The following FBN2 variants were observed in gnomAD, a reference collection of about 807,000 sequenced individuals.
The protein encoded by FBN2 is fibrillin-2.
FBN2 carries 105 observed loss-of-function variants against 355.6 expected under a neutral mutation model. The ratio of observed to expected loss-of-function variants is 0.30; its 90% CI spans 0.25 to 0.35. The LOEUF (loss-of-function observed/expected upper bound fraction) is 0.35. Among genes scored for constraint, FBN2 ranks in the 10% least tolerant of loss-of-function variants. The pLI is 1.00. For synonymous variants in FBN2, 1,350 were observed against 1,301.2 expected (o/e 1.04, Z -0.81); for missense variants, 3,280 against 3,758.7 (o/e 0.87, Z 3.33).
intron 34 of FBN2, among the ~76,000 whole-genome samples, chr5:128,323,545 T>A (rs1385907977): frequency 6.6e-6 from 1 of 152,238 alleles, no homozygotes; most frequent in Non-Finnish European, 1.5e-5. Context: ...TCTTTTGAGA[T>A]AATCATGCAG....
chr5:128,521,608 G>A (rs1037776607), intron 4 of FBN2, among the ~76,000 whole-genome samples: 3 of 152,196 alleles, frequency 2.0e-5, no homozygotes, highest in African/African-American at 7.2e-5. Context: ...AAAGTAATGT[G>A]ATCAATTAAA....
At chr5:128,431,479 C>T (rs954398656) in intron 7 of FBN2, among the ~76,000 whole-genome samples, 3 of 152,136 alleles carry the variant, frequency 2.0e-5, no homozygotes, top group Non-Finnish European at 4.4e-5. Context: ...CATGTACTGT[C>T]GCCATAACTT....
At chr5:128,383,603 C>T (rs984363576) in intron 11 of FBN2, among the ~76,000 whole-genome samples, 9 of 151,854 alleles carry the variant, frequency 5.9e-5, no homozygotes, top group Non-Finnish European at 5.9e-5. Context: ...AAACAAAGAA[C>T]CCTCAAAACT....
chr5:128,373,167 T>A (rs761384282), intron 15 of FBN2, among the ~76,000 whole-genome samples: 1 of 152,210 alleles, frequency 6.6e-6, no homozygotes, highest in Non-Finnish European at 1.5e-5. Flanking sequence ...TTTTACTGAA[T>A]TCCTAGCAAC....
chr5:128,430,945 C>A (rs946613780), intron 7 of FBN2, among the ~76,000 whole-genome samples: 1 of 152,178 alleles, frequency 6.6e-6, no homozygotes, highest in East Asian at 1.9e-4. Context: ...AAGTGCCACA[C>A]TGACTCATAT....
intron 25 of FBN2, among the ~76,000 whole-genome samples, chr5:128,342,321 T>C (rs1751045081): frequency 1.3e-5 from 2 of 151,680 alleles, no homozygotes; most frequent in African/African-American, 4.8e-5. Flanking sequence ...AAAGAAAATC[T>C]CAAGGAGAGA....
chr5:128,446,518 A>G lies in FBN2; in HGVS notation c.915T>C (p.Ala305=). The change falls in exon 7 of 65, where the codon GCT becomes GCC. Residue 305 remains alanine, a synonymous_variant. Transcript: ENST00000262464. ...TVGSFECRCP[A]GHKQSETTQK... ...GAGTAGTTTCACTCTGTTTGTGACCAGCAGGGCATCTGCATTCAAAAGAGC... is the reference window on the plus strand; with the variant it reads ...GAGTAGTTTCACTCTGTTTGTGACCGGCAGGGCATCTGCATTCAAAAGAGC... 2 of 1,614,092 alleles carry G rather than the reference A, an allele frequency of 1.2e-6. No individual in the cohort carries two copies. Among genetic ancestry groups the G allele is most frequent in the Non-Finnish European group, 1.7e-6 (2 of 1,179,938 alleles).
rs367961012 is a variant in FBN2, at chr5:128,330,635, G to A, written c.4283C>T (p.Thr1428Ile). 2 of 1,613,912 alleles carry A rather than the reference G, an allele frequency of 1.2e-6. No homozygotes were observed. Among genetic ancestry groups the A allele is most frequent in the Non-Finnish European group, 8.5e-7 (1 of 1,179,852 alleles). Residue 1428 changes from threonine to isoleucine, a missense_variant, in exon 33 of 65, where the codon ACC becomes ATC. Thr to Ile is a moderately conservative substitution (Grantham distance 89). Transcript: ENST00000262464. ...GCAGGCACAGCGGTATGAGCCCGGG[G>A]TATTTACACACTGAGCATTGATGCT... The part of the protein sequence containing the change: ...QCSINAQCVN[T>I]PGSYRCACSE...
chr5:128,351,305 G>A (rs1751357105), intron 20 of FBN2, among the ~76,000 whole-genome samples: 1 of 152,128 alleles, frequency 6.6e-6, no homozygotes, highest in South Asian at 2.1e-4. Flanking sequence ...CCAGCACTTT[G>A]GGAGGCCGAG....
At chr5:128,284,151 A>G (rs982901443) in intron 55 of FBN2, among the ~76,000 whole-genome samples, 1 of 152,216 alleles carries the variant, frequency 6.6e-6, no homozygotes, top group African/African-American at 2.4e-5. Flanking sequence ...ATAACAACTA[A>G]TACTTAATTG....
intron 7 of FBN2, among the ~76,000 whole-genome samples, chr5:128,419,293 T>C (rs1410425011): frequency 6.6e-6 from 1 of 152,190 alleles, no homozygotes; most frequent in African/African-American, 2.4e-5. Flanking sequence ...CCAGTCCGGG[T>C]AACTTTTATT....
chr5:128,516,372 CTCT>C (rs796074073), intron 5 of FBN2, among the ~76,000 whole-genome samples: 21 of 136,140 alleles, frequency 1.5e-4, no homozygotes, highest in African/African-American at 5.8e-4. Flanking sequence ...ACCACAAGAA[CTCT>C]TTTTTTTTTT....
intron 6 of FBN2, among the ~76,000 whole-genome samples, chr5:128,450,462 T>C (rs1380752856): frequency 6.6e-6 from 1 of 151,970 alleles, no homozygotes; most frequent in Non-Finnish European, 1.5e-5. Flanking sequence ...AAAAATCACA[T>C]GGAGAAATAG....
At chr5:128,297,241 A>G (rs1216968159) in intron 48 of FBN2, among the ~76,000 whole-genome samples, 1 of 152,052 alleles carries the variant, frequency 6.6e-6, no homozygotes, top group Non-Finnish European at 1.5e-5. Flanking sequence ...ATTTCTGAGG[A>G]GAGCTTTACT....
intron 10 of FBN2, among the ~76,000 whole-genome samples, chr5:128,392,889 T>G (rs1752553399): frequency 6.6e-6 from 1 of 152,152 alleles, no homozygotes; most frequent in African/African-American, 2.4e-5. Context: ...TTTCTCTAAT[T>G]TAACAGAAAG....
At position 128,392,112 on chromosome 5, in the gene FBN2, G is replaced by A; in HGVS notation, c.1509C>T (p.Asn503=). 4.3e-6 allele frequency: 7 copies of A among 1,613,606 alleles called. No homozygotes were observed. Among genetic ancestry groups the A allele is most frequent in the Non-Finnish European group, 5.9e-6 (7 of 1,179,646 alleles). ...QTIDICKHHA[N]LCLNGRCIPT... is the part of the protein sequence containing the mutation. ...GTATACAGCGTCCATTTAAACAAAG[G>A]TTAGCATGATGCTTACAGATATCTA... is the stretch of plus-strand genomic sequence containing the variant. The change falls in exon 11 of 65, where the codon AAC becomes AAT. Residue 503 remains asparagine (N), a synonymous_variant. Transcript: ENST00000262464.
intron 23 of FBN2, among the ~76,000 whole-genome samples, chr5:128,347,743 G>A (rs538933295): frequency 1.3e-5 from 2 of 151,984 alleles, no homozygotes; most frequent in East Asian, 1.9e-4. Context: ...AAAGTACAAG[G>A]ATGAAGAATC....
chr5:128,277,651 A>T (rs537511926), intron 58 of FBN2, among the ~76,000 whole-genome samples: 1 of 152,336 alleles, frequency 6.6e-6, no homozygotes, highest in African/African-American at 2.4e-5. Flanking sequence ...ATGTGGCACA[A>T]GTTCTTTTAA....
chr5:128,398,088 C>T (rs969774762), intron 8 of FBN2, among the ~76,000 whole-genome samples: 1 of 152,006 alleles, frequency 6.6e-6, no homozygotes, highest in Non-Finnish European at 1.5e-5. Flanking sequence ...TGCCTCAATT[C>T]ATAGTAGGTT....
Sources: gnomAD v4.1 joint callset for allele counts (sites outside exome capture counted in the v4.1 genomes callset) on GRCh38, gnomAD v4.1.1 for gene constraint, MANE v1.5 for transcripts, NCBI Gene and HGNC (gene_info 2026-07-23, HGNC 2026-07-21) for gene names.